NCKAP5: variants seen among roughly 807,000 people sequenced by gnomAD.
The protein encoded by NCKAP5 is NCK associated protein 5.
NCKAP5 carries 92 observed loss-of-function variants against 167.0 expected under a neutral mutation model. The observed-to-expected ratio is 0.55, with a 90% CI of 0.47 to 0.66. The LOEUF is 0.66. Ranked by LOEUF, NCKAP5 falls within the 30% of genes least tolerant of loss-of-function variation. The pLI is 0.00. For synonymous variants in NCKAP5, 891 were observed against 877.4 expected, an observed-to-expected ratio of 1.02 and a Z score of -0.27; for missense variants, 2,378 against 2,315.0, an observed-to-expected ratio of 1.03 and a Z score of -0.56.
intron 6 of NCKAP5, among the ~76,000 whole-genome samples, chr2:133,066,062 C>T (rs552216024): frequency 6.6e-6 from 1 of 152,180 alleles, no homozygotes; most frequent in South Asian, 2.1e-4. Context: ...TGTATACATG[C>T]TCATGTATGT....
intron 4 of NCKAP5, among the ~76,000 whole-genome samples, chr2:133,257,329 A>G (rs562393820): frequency 6.6e-6 from 1 of 152,344 alleles, no homozygotes; most frequent in African/African-American, 2.4e-5. Flanking sequence ...TATTCACACT[A>G]ATAACTACTA....
At chr2:132,781,914 T>TG (rs767841919) in intron 14 of NCKAP5, 26 bp downstream of exon 14, 2 of 1,589,004 alleles carry the variant, frequency 1.3e-6, no homozygotes, top group Non-Finnish European at 1.7e-6. Flanking sequence ...CCCTCTACAT[T>TG]GCTACCTGCT....
At chr2:132,892,537 T>TA (rs1692794695) in intron 8 of NCKAP5, among the ~76,000 whole-genome samples, 2 of 152,308 alleles carry the variant, frequency 1.3e-5, no homozygotes, top group Admixed American at 6.5e-5. Flanking sequence ...TTCATGGAGC[T>TA]AAAAAATGTA....
At chr2:133,665,946 CTTA>C in the NCKAP5 span, among the ~76,000 whole-genome samples, 5 of 150,444 alleles carry the variant, frequency 3.3e-5, no homozygotes, top group Non-Finnish European at 5.9e-5. Context: ...CTATGTTTTA[CTTA>C]TTATATGAAT....
intron 6 of NCKAP5, among the ~76,000 whole-genome samples, chr2:133,082,700 A>T (rs2080851423): frequency 6.6e-6 from 1 of 152,124 alleles, no homozygotes; most frequent in Non-Finnish European, 1.5e-5. Context: ...CTCTACTCGG[A>T]AAATAACTGT....
intron 16 of NCKAP5, among the ~76,000 whole-genome samples, chr2:132,757,795 C>T (rs1680673069): frequency 6.6e-6 from 1 of 152,244 alleles, no homozygotes; most frequent in Non-Finnish European, 1.5e-5. Flanking sequence ...ATCCCCTTGG[C>T]TTGCTAAATG....
intron 11 of NCKAP5, among the ~76,000 whole-genome samples, chr2:132,814,601 G>A (rs1254748620): frequency 2.0e-5 from 3 of 151,892 alleles, no homozygotes; most frequent in Non-Finnish European, 4.4e-5. Context: ...AATTTTGCAG[G>A]TTTCTGTTTC....
chr2:133,403,887 A>ATGTG (rs138024785), intron 3 of NCKAP5, among the ~76,000 whole-genome samples: 3,374 of 148,188 alleles, frequency 0.023, 100 homozygotes, highest in South Asian at 0.1. Context: ...AGTCAGGTGG[A>ATGTG]TGTGTGTGTG....
intron 9 of NCKAP5, among the ~76,000 whole-genome samples, chr2:132,877,236 C>G (rs1446303617): frequency 6.6e-6 from 1 of 152,124 alleles, no homozygotes; most frequent in East Asian, 1.9e-4. Context: ...TGGACATTGT[C>G]AAGATTATTC....
intron 3 of NCKAP5, among the ~76,000 whole-genome samples, chr2:133,326,537 AGCAAGAGTCCT>A (rs905070267): frequency 6.6e-6 from 1 of 151,964 alleles, no homozygotes; most frequent in African/African-American, 2.4e-5. Flanking sequence ...GGACAGCCAC[AGCAAGAGTCCT>A]GTAACAGCAG....
chr2:133,235,130 T>C (rs1386816796), intron 4 of NCKAP5, among the ~76,000 whole-genome samples: 2 of 151,818 alleles, frequency 1.3e-5, no homozygotes, highest in Non-Finnish European at 1.5e-5. Flanking sequence ...CAGTCTTCAT[T>C]ACTCACACAA....
At chr2:133,443,367 C>T (rs917419459) in intron 3 of NCKAP5, among the ~76,000 whole-genome samples, 6 of 152,214 alleles carry the variant, frequency 3.9e-5, no homozygotes, top group Non-Finnish European at 8.8e-5. Context: ...CAACTGTGCT[C>T]CTCCAGTAAT....
At chr2:132,980,183 A>T (rs144449645) in intron 7 of NCKAP5, among the ~76,000 whole-genome samples, 2,593 of 151,414 alleles carry the variant, frequency 0.017, 64 homozygotes, top group African/African-American at 0.058. Flanking sequence ...GTAGAGACGG[A>T]GTTTCACCAT....
At chr2:132,995,111 T>C (rs1283472489) in intron 6 of NCKAP5, among the ~76,000 whole-genome samples, 1 of 152,160 alleles carries the variant, frequency 6.6e-6, no homozygotes, top group Non-Finnish European at 1.5e-5. Flanking sequence ...GCCAGGACAC[T>C]ACTGTACACT....
the NCKAP5 span, among the ~76,000 whole-genome samples, chr2:133,660,572 T>C: frequency 6.6e-6 from 1 of 152,194 alleles, no homozygotes; most frequent in Non-Finnish European, 1.5e-5. Flanking sequence ...AAAAACACTT[T>C]ATAAATAGGA....
At chr2:133,416,063 T>C (rs539966995) in intron 3 of NCKAP5, among the ~76,000 whole-genome samples, 18 of 152,356 alleles carry the variant, frequency 1.2e-4, no homozygotes, top group Admixed American at 3.3e-4. Context: ...TACTGAGATA[T>C]GTCAAGTTTC....
At chr2:132,721,622 T>C (rs1233200849) in intron 19 of NCKAP5, among the ~76,000 whole-genome samples, 1 of 152,238 alleles carries the variant, frequency 6.6e-6, no homozygotes, top group Non-Finnish European at 1.5e-5. Flanking sequence ...ATTTTCTTTT[T>C]ATACAACCTT....
chr2:133,471,239 T>C (rs1369506), intron 3 of NCKAP5, among the ~76,000 whole-genome samples: 90,763 of 152,040 alleles, frequency 0.6, 28,677 homozygotes, highest in East Asian at 0.81. Context: ...TGGGTGTGCT[T>C]ACCTGTCATC....
intron 3 of NCKAP5, among the ~76,000 whole-genome samples, chr2:133,441,404 C>T (rs557078278): frequency 1.4e-4 from 22 of 152,278 alleles, no homozygotes; most frequent in African/African-American, 5.3e-4. Flanking sequence ...CCAGAATTAT[C>T]AAAGAAAAGC....
Sources: gnomAD v4.1 joint callset for allele counts (sites outside exome capture counted in the v4.1 genomes callset) on GRCh38, gnomAD v4.1.1 for gene constraint, MANE v1.5 for transcripts, NCBI Gene and HGNC (gene_info 2026-07-23, HGNC 2026-07-21) for gene names.